Variants in ASIC2 observed in about 807,000 individuals in gnomAD.
ASIC2 encodes acid-sensing ion channel 2.
Under a neutral mutation model 57.3 loss-of-function variants are expected in ASIC2, and 25 were observed. The ratio of observed to expected loss-of-function variants is 0.44; its 90% CI spans 0.32 to 0.61. The LOEUF (loss-of-function observed/expected upper bound fraction) is 0.61, where lower values mean the gene tolerates loss of function less well. ASIC2 is among the 20% of genes least tolerant of loss of function. The probability of loss-of-function intolerance (pLI) is 0.06; values close to 1 mark genes in which losing one functional copy is unlikely to be tolerated. For synonymous variants in ASIC2, 319 were observed against 307.5 expected, an observed-to-expected ratio of 1.04 and a Z score of -0.39; for missense variants, 641 against 738.1, an observed-to-expected ratio of 0.87 and a Z score of 1.52.
intron 2 of ASIC2, among the ~76,000 whole-genome samples, chr17:33,091,722 A>C (rs1186747383): frequency 6.6e-6 from 1 of 152,158 alleles, no homozygotes; most frequent in East Asian, 1.9e-4. Context: ...AAGTAGCCTC[A>C]GTTTTTAAAA....
chr17:33,039,503 A>C (rs1031699663), intron 3 of ASIC2, among the ~76,000 whole-genome samples: 5 of 152,286 alleles, frequency 3.3e-5, no homozygotes, highest in Non-Finnish European at 7.4e-5. Flanking sequence ...CAAATGGTTG[A>C]GCCTCTCTGA....
At chr17:33,423,191 A>G (rs1911103660) in intron 1 of ASIC2, among the ~76,000 whole-genome samples, 1 of 152,172 alleles carries the variant, frequency 6.6e-6, no homozygotes, top group South Asian at 2.1e-4. Context: ...GCCTTGAGAG[A>G]TACTGATGTA....
At chr17:33,405,912 A>G (rs1910458978) in intron 1 of ASIC2, among the ~76,000 whole-genome samples, 3 of 152,104 alleles carry the variant, frequency 2.0e-5, no homozygotes, top group African/African-American at 7.2e-5. Context: ...CAGGTACCAG[A>G]CAGTTAGAGA....
chr17:33,193,053 G>A (rs752949111), intron 1 of ASIC2, among the ~76,000 whole-genome samples: 2 of 152,172 alleles, frequency 1.3e-5, no homozygotes, highest in Non-Finnish European at 2.9e-5. Flanking sequence ...TCGGGGAAAT[G>A]TTTAACCTAC....
chr17:33,103,998 G>A (rs528291196), intron 2 of ASIC2, among the ~76,000 whole-genome samples: 7 of 152,174 alleles, frequency 4.6e-5, no homozygotes, highest in East Asian at 1.9e-4. Context: ...TCTAATTCCC[G>A]ATCCTGTCTG....
chr17:33,806,883 C>A (rs1191070482), intron 1 of ASIC2, among the ~76,000 whole-genome samples: 1 of 152,210 alleles, frequency 6.6e-6, no homozygotes, highest in African/African-American at 2.4e-5. Flanking sequence ...ATCTGCAGAA[C>A]AACCAAGATG....
chr17:33,325,488 T>C (rs1907038913), intron 1 of ASIC2, among the ~76,000 whole-genome samples: 1 of 152,126 alleles, frequency 6.6e-6, no homozygotes, highest in Admixed American at 6.5e-5. Context: ...AAGGCCTGAC[T>C]GGCTGAAGGG....
At chr17:33,908,009 T>G (rs1168957645) in intron 1 of ASIC2, among the ~76,000 whole-genome samples, 1 of 152,212 alleles carries the variant, frequency 6.6e-6, no homozygotes, top group Non-Finnish European at 1.5e-5. Context: ...TCTTTCACAG[T>G]ACATAACACT....
chr17:33,348,061 T>C (rs418626), intron 1 of ASIC2, among the ~76,000 whole-genome samples: 131,449 of 152,212 alleles, frequency 0.86, 56,855 homozygotes, highest in East Asian at 1. Flanking sequence ...GAGATGGCAC[T>C]GCTGCACTCC....
intron 1 of ASIC2, among the ~76,000 whole-genome samples, chr17:33,404,107 A>C (rs1277560195): frequency 6.6e-6 from 1 of 152,230 alleles, no homozygotes; most frequent in African/African-American, 2.4e-5. Context: ...TGAGTTGCCA[A>C]GTTTGGGAAA....
chr17:33,537,875 G>A (rs1915284613), intron 1 of ASIC2, among the ~76,000 whole-genome samples: 1 of 152,196 alleles, frequency 6.6e-6, no homozygotes, highest in Non-Finnish European at 1.5e-5. Flanking sequence ...GGGGCAATAG[G>A]AACAGGATCT....
intron 1 of ASIC2, among the ~76,000 whole-genome samples, chr17:33,396,170 C>G (rs183127914): frequency 8.3e-4 from 127 of 152,282 alleles, no homozygotes; most frequent in African/African-American, 2.9e-3. Context: ...AATAAAGAAA[C>G]AGACCCAGAG....
At chr17:33,465,514 C>A (rs1912835281) in intron 1 of ASIC2, among the ~76,000 whole-genome samples, 3 of 151,980 alleles carry the variant, frequency 2.0e-5, no homozygotes, top group Admixed American at 1.3e-4. Context: ...GCTGGGATTA[C>A]AGGCGCATGC....
intron 1 of ASIC2, among the ~76,000 whole-genome samples, chr17:33,637,330 T>A (rs1319118039): frequency 6.6e-6 from 1 of 151,954 alleles, no homozygotes; most frequent in African/African-American, 2.4e-5. Context: ...CATCTCCAGC[T>A]CCTGCTCCGA....
chr17:33,696,993 T>C (rs1276285365), intron 1 of ASIC2, among the ~76,000 whole-genome samples: 1 of 152,158 alleles, frequency 6.6e-6, no homozygotes, highest in African/African-American at 2.4e-5. Context: ...TGAATGGTTT[T>C]GCACCATTCC....
chr17:33,345,687 A>G (rs1907914627), intron 1 of ASIC2, among the ~76,000 whole-genome samples: 1 of 152,264 alleles, frequency 6.6e-6, no homozygotes, highest in African/African-American at 2.4e-5. Context: ...AGGAAAGCAA[A>G]GACTGAATCA....
At chr17:33,469,432 C>A (rs997179173) in intron 1 of ASIC2, among the ~76,000 whole-genome samples, 1 of 152,178 alleles carries the variant, frequency 6.6e-6, no homozygotes, top group Non-Finnish European at 1.5e-5. Context: ...TGGACACAGA[C>A]CACCATGGGA....
At chr17:33,612,262 C>A (rs897105492) in intron 1 of ASIC2, among the ~76,000 whole-genome samples, 1 of 152,084 alleles carries the variant, frequency 6.6e-6, no homozygotes, top group Admixed American at 6.5e-5. Context: ...ATCTGAGCAC[C>A]CTGTGGCCCA....
At chr17:33,635,003 C>G (rs2142029837) in intron 1 of ASIC2, 1 of 152,220 alleles carries the variant, frequency 6.6e-6, no homozygotes, top group Non-Finnish European at 1.5e-5. Flanking sequence ...TCACACATTC[C>G]AAGTCACACA....
Sources: gnomAD v4.1 joint callset for allele counts (sites outside exome capture counted in the v4.1 genomes callset) on GRCh38, gnomAD v4.1.1 for gene constraint, MANE v1.5 for transcripts, NCBI Gene and HGNC (gene_info 2026-07-23, HGNC 2026-07-21) for gene names.